The following TRPC5 variants were observed in gnomAD, a reference collection of about 807,000 sequenced individuals.
The protein encoded by TRPC5 is transient receptor potential cation channel subfamily C member 5.
Under a neutral mutation model 56.5 loss-of-function variants are expected in TRPC5, and 9 were observed. The ratio of observed to expected loss-of-function variants is 0.16; its 90% CI spans 0.10 to 0.28. TRPC5 has a LOEUF of 0.28. Ranked by LOEUF, TRPC5 falls within the 10% of genes least tolerant of loss-of-function variation. TRPC5 has a pLI of 1.00. For synonymous variants in TRPC5, 282 were observed against 278.5 expected, an observed-to-expected ratio of 1.01 and a Z score of -0.13; for missense variants, 469 against 748.9, an observed-to-expected ratio of 0.63 and a Z score of 4.36.
chrX:111,924,592 C>T (rs192606997), intron 2 of TRPC5, among the ~76,000 whole-genome samples: 25 of 111,944 alleles, frequency 2.2e-4, no homozygotes, highest in Admixed American at 2.1e-3. Context: ...GTATACCTGT[C>T]AAATGCTGTT....
intron 1 of TRPC5, among the ~76,000 whole-genome samples, chrX:112,050,578 T>C (rs12014370): frequency 0.26 from 29,063 of 110,915 alleles, 4,939 homozygotes; most frequent in African/African-American, 0.63. Flanking sequence ...GGCATTAATA[T>C]TAACATGTAG....
rs760845421 is a variant in TRPC5 at position 111,771,786 on chromosome X, TAAACA to T, written c.*4522_*4526del. Among the ~76,000 whole-genome samples, 220 of 108,632 alleles carry T rather than the reference TAAACA, an allele frequency of 2.0e-3. No individual in the cohort carries two copies. Among genetic ancestry groups the T allele is most frequent in the Middle Eastern group, 4.6e-3 (1 of 216 alleles). The allele number at this position is 108,632 out of a possible 115,157, so 94.3% of individuals were successfully genotyped here. A position where few individuals can be genotyped will look rare whatever the true frequency, so the allele number is the denominator to read the frequency against. On this transcript the variant is annotated 3_prime_UTR_variant, in exon 11 of 11. Transcript: ENST00000262839. ...CTGACCTAAATGCTTTTTTTTTTTT[TAAACA>T]AAACCAGGAACCTCAAATCTTGATA...
At chrX:112,040,764 T>C (rs978545990) in intron 1 of TRPC5, among the ~76,000 whole-genome samples, 1 of 111,918 alleles carries the variant, frequency 8.9e-6, no homozygotes, top group Non-Finnish European at 1.9e-5. Flanking sequence ...AAAATTATGA[T>C]GTCTACCCTT....
At chrX:111,975,630 C>G (rs1442399569) in intron 1 of TRPC5, among the ~76,000 whole-genome samples, 6 of 111,450 alleles carry the variant, frequency 5.4e-5, no homozygotes, top group Non-Finnish European at 9.4e-5. Flanking sequence ...GGCGTGGGGG[C>G]TCACGCCTGT....
intron 1 of TRPC5, among the ~76,000 whole-genome samples, chrX:111,996,693 T>A (rs890311638): frequency 8.9e-6 from 1 of 112,156 alleles, no homozygotes; most frequent in Non-Finnish European, 1.9e-5. Context: ...ATATTTAGGA[T>A]AGTTAGCTCT....
intron 1 of TRPC5, among the ~76,000 whole-genome samples, chrX:111,988,890 G>A (rs1380070284): frequency 9.0e-6 from 1 of 111,461 alleles, no homozygotes; most frequent in Non-Finnish European, 1.9e-5. Flanking sequence ...ATTTTATTGA[G>A]GAAATGAATG....
chrX:111,947,583 A>G (rs1364586749), intron 2 of TRPC5, among the ~76,000 whole-genome samples: 1 of 111,241 alleles, frequency 9.0e-6, no homozygotes, highest in Non-Finnish European at 1.9e-5. Context: ...CCCACCTCGG[A>G]CAAATCCCAA....
At chrX:111,946,324 T>C (rs58491049) in intron 2 of TRPC5, among the ~76,000 whole-genome samples, 3,344 of 111,701 alleles carry the variant, frequency 0.03, 64 homozygotes, top group Middle Eastern at 0.075. Context: ...GACTTTCCAC[T>C]GTCAGTGGGT....
intron 3 of TRPC5, among the ~76,000 whole-genome samples, chrX:111,894,965 G>T (rs1187352066): frequency 5.4e-5 from 6 of 110,345 alleles, no homozygotes; most frequent in African/African-American, 2.0e-4. Context: ...TAGTGATATG[G>T]TAGCTAATTT....
chrX:112,039,296 G>A (rs1283738251), intron 1 of TRPC5, among the ~76,000 whole-genome samples: 1 of 110,110 alleles, frequency 9.1e-6, no homozygotes, highest in Non-Finnish European at 1.9e-5. Context: ...TATAATTTAA[G>A]CATACTAGTG....
chrX:111,813,154 T>G, intron 7 of TRPC5, among the ~76,000 whole-genome samples: 1 of 112,283 alleles, frequency 8.9e-6, no homozygotes, highest in Non-Finnish European at 1.9e-5. Context: ...TGGGTGGTTT[T>G]GTGTAAGAGA....
rs1002339106 is a variant in TRPC5, at chrX:111,768,158, C to T, written c.*8155G>A. 8.9e-6 allele frequency among the ~76,000 whole-genome samples: 1 copy of T among 112,332 alleles called. No homozygotes were observed. The highest frequency in any genetic ancestry group is 1.9e-5 in the Non-Finnish European group (1 of 53,186). On this transcript the variant is annotated 3_prime_UTR_variant, in exon 11 of 11. Coordinates refer to ENST00000262839, the MANE Select transcript of TRPC5 (RefSeq NM_012471.3). Reference sequence around the variant, plus strand: ...TGTTTAAATAAAAGTGATAGTTATTCAAAGAGATTTCCACTTTGAAAATAG... The same window carrying T: ...TGTTTAAATAAAAGTGATAGTTATTTAAAGAGATTTCCACTTTGAAAATAG...
intron 1 of TRPC5, among the ~76,000 whole-genome samples, chrX:111,980,389 G>A (rs1299888598): frequency 9.0e-6 from 1 of 111,250 alleles, no homozygotes; most frequent in Non-Finnish European, 1.9e-5. Flanking sequence ...CATTTGTGGT[G>A]ATTTCAGGAG....
chrX:111,773,859 A>G lies in TRPC5; in HGVS notation c.*2454T>C, dbSNP rs1945858418. ...ATTTTCACTTGAAATACCTTTTATGATACTTGATCAAGAGAGTAAGGAAGT... is the reference window on the plus strand; with the variant it reads ...ATTTTCACTTGAAATACCTTTTATGGTACTTGATCAAGAGAGTAAGGAAGT... On this transcript the variant is annotated 3_prime_UTR_variant, in exon 11 of 11. Coordinates refer to ENST00000262839, the MANE Select transcript of TRPC5 (RefSeq NM_012471.3). Among the ~76,000 whole-genome samples, 1 of 111,708 alleles carries G rather than the reference A, an allele frequency of 9.0e-6. No individual in the cohort carries two copies. Among genetic ancestry groups the G allele is most frequent in the South Asian group, 3.8e-4 (1 of 2,644 alleles).
At chrX:111,832,975 C>A (rs1451549769) in intron 7 of TRPC5, among the ~76,000 whole-genome samples, 1 of 111,498 alleles carries the variant, frequency 9.0e-6, no homozygotes, top group Non-Finnish European at 1.9e-5. Flanking sequence ...GAGAAAATTA[C>A]AAATGCCTTT....
chrX:111,865,556 G>C (rs1307147170), intron 3 of TRPC5, among the ~76,000 whole-genome samples: 1 of 109,966 alleles, frequency 9.1e-6, no homozygotes, highest in Admixed American at 9.7e-5. Flanking sequence ...TTGATCTCTT[G>C]CCCTCGTGAT....
intron 2 of TRPC5, among the ~76,000 whole-genome samples, chrX:111,922,841 T>C (rs919630901): frequency 2.7e-5 from 3 of 111,972 alleles, no homozygotes; most frequent in African/African-American, 9.7e-5. Flanking sequence ...ATCAATTATA[T>C]ATATAAAACA....
intron 1 of TRPC5, among the ~76,000 whole-genome samples, chrX:112,045,290 G>C (rs7892137): frequency 0.12 from 13,533 of 111,409 alleles, 686 homozygotes; most frequent in African/African-American, 0.16. Flanking sequence ...AGGTAAGGTT[G>C]CTTTGGAGAC....
intron 3 of TRPC5, among the ~76,000 whole-genome samples, chrX:111,862,238 T>A (rs747767700): frequency 8.9e-6 from 1 of 112,008 alleles, no homozygotes; most frequent in South Asian, 3.7e-4. Context: ...ATACTCTGCC[T>A]TACAACCTCA....
Sources: allele counts gnomAD v4.1 joint callset (sites outside exome capture counted in the v4.1 genomes callset), GRCh38; gene constraint gnomAD v4.1.1; transcripts MANE v1.5; gene names NCBI Gene and HGNC (gene_info 2026-07-23, HGNC 2026-07-21).